CFAP77: variants seen among roughly 807,000 people sequenced by gnomAD.
CFAP77 encodes the protein cilia- and flagella-associated protein 77.
CFAP77 carries 25 observed loss-of-function variants against 31.1 expected under a neutral mutation model. The ratio of observed to expected loss-of-function variants is 0.80; its 90% CI spans 0.59 to 1.12. The LOEUF is 1.12. Among genes scored for constraint, CFAP77 ranks in the 50% most tolerant of loss-of-function variants. CFAP77 has a pLI of 0.00. For synonymous variants in CFAP77, 151 were observed against 159.9 expected (o/e 0.94, Z 0.42); for missense variants, 377 against 397.3 (o/e 0.95, Z 0.44).
At chr9:132,464,002 C>G (rs369224485) in intron 1 of CFAP77, among the ~76,000 whole-genome samples, 2 of 152,176 alleles carry the variant, frequency 1.3e-5, no homozygotes, top group Non-Finnish European at 2.9e-5. Context: ...GCAAAGGGGT[C>G]GGATGGGAAT....
chr9:132,462,427 G>A (rs1851067417), intron 1 of CFAP77, among the ~76,000 whole-genome samples: 1 of 152,148 alleles, frequency 6.6e-6, no homozygotes, highest in Non-Finnish European at 1.5e-5. Context: ...TTTTTAAAAT[G>A]GCTGTGACTC....
At chr9:132,463,678 G>A (rs1851100690) in intron 1 of CFAP77, among the ~76,000 whole-genome samples, 2 of 152,348 alleles carry the variant, frequency 1.3e-5, no homozygotes, top group Middle Eastern at 3.4e-3. Context: ...GGGACCAGCA[G>A]AGATGGTGGA....
intron 1 of CFAP77, among the ~76,000 whole-genome samples, chr9:132,454,901 C>T (rs966479595): frequency 6.6e-6 from 1 of 152,146 alleles, no homozygotes; most frequent in African/African-American, 2.4e-5. Context: ...CCCACCCAAA[C>T]CACACACTGA....
In CFAP77 at chr9:132,486,091, T is replaced by TA. The variant is rs1491144658; in HGVS notation, c.196-12604_196-12603insA. Among the ~76,000 whole-genome samples the TA allele has an allele frequency of 6.6e-3, 102 of 15,530 alleles. 7 individuals carry two copies. The highest frequency in any genetic ancestry group is 0.014 in the African/African-American group (44 of 3,220). The allele number at this position is 15,530 out of a possible 152,430, so 10.2% of individuals were successfully genotyped here. A position where few individuals can be genotyped will look rare whatever the true frequency, so the allele number is the denominator to read the frequency against. ...GTATATATATATATATATATATATA[T>TA]TTTTTTTTTTTTTTTTTTTGAGACG... is the stretch of plus-strand genomic sequence containing the variant. On this transcript the variant is annotated intron_variant, in intron 1 of 5. Transcript: ENST00000393216.
At chr9:132,443,110 T>C (rs903259813) in intron 1 of CFAP77, among the ~76,000 whole-genome samples, 3 of 152,188 alleles carry the variant, frequency 2.0e-5, no homozygotes, top group African/African-American at 7.2e-5. Context: ...TTAAGGTTCA[T>C]CCATGTCGCA....
At chr9:132,496,094 GGAAAA>G (rs1187795055) in intron 1 of CFAP77, among the ~76,000 whole-genome samples, 2 of 151,986 alleles carry the variant, frequency 1.3e-5, no homozygotes, top group Non-Finnish European at 2.9e-5. Flanking sequence ...CTGAGGCCTG[GGAAAA>G]GAAGAGTGAG....
At chr9:132,570,865 T>C (rs1829949497) in intron 5 of CFAP77, among the ~76,000 whole-genome samples, 1 of 152,044 alleles carries the variant, frequency 6.6e-6, no homozygotes, top group Admixed American at 6.5e-5. Flanking sequence ...AGTCCAGAGG[T>C]TGGGGGTCAC....
chr9:132,458,358 G>GT (rs60393862), intron 1 of CFAP77, among the ~76,000 whole-genome samples: 3 of 75,338 alleles, frequency 4.0e-5, no homozygotes, highest in African/African-American at 1.3e-4. Context: ...AGGGGGGGGG[G>GT]TGTGTATGGA....
chr9:132,411,922 T>C (rs1328070859), intron 1 of CFAP77, among the ~76,000 whole-genome samples: 1 of 152,138 alleles, frequency 6.6e-6, no homozygotes, highest in Admixed American at 6.5e-5. Context: ...TATGCACCCA[T>C]ATAACATACC....
At chr9:132,494,203 C>T (rs1034975778) in intron 1 of CFAP77, among the ~76,000 whole-genome samples, 3 of 152,194 alleles carry the variant, frequency 2.0e-5, no homozygotes, top group African/African-American at 7.2e-5. Context: ...TGAGCCACCA[C>T]ACCTGGCTCA....
chr9:132,453,157 T>C (rs1850855428), intron 1 of CFAP77, among the ~76,000 whole-genome samples: 1 of 152,160 alleles, frequency 6.6e-6, no homozygotes, highest in South Asian at 2.1e-4. Flanking sequence ...GAATCTCCAT[T>C]TCCTCTTCTG....
intron 1 of CFAP77, among the ~76,000 whole-genome samples, chr9:132,439,083 C>A (rs1448080280): frequency 6.6e-6 from 1 of 152,016 alleles, no homozygotes; most frequent in Non-Finnish European, 1.5e-5. Flanking sequence ...ACCATGTTGG[C>A]CAAGCTGGTC....
rs1852016276 is a variant in CFAP77, at chr9:132,510,464, C to G, written c.524+10864C>G. Among the ~76,000 whole-genome samples the G allele has an allele frequency of 2.6e-5, 4 of 152,338 alleles. No individual in the cohort carries two copies. The East Asian group carries it at 5.8e-4, about 22-fold the overall frequency. ...GAGGTTGGTTTAGCTCTTTCCGGGA[C>G]ACGGAGGAGATGGTGCTGCTGTGAG... On this transcript the variant is annotated intron_variant, in intron 3 of 5. Transcript: ENST00000393216.
intron 1 of CFAP77, among the ~76,000 whole-genome samples, chr9:132,486,044 A>ATGTG (rs1564223125): frequency 3.0e-5 from 1 of 33,204 alleles, no homozygotes; most frequent in African/African-American, 2.9e-4. Flanking sequence ...ATATATATGT[A>ATGTG]TGTATATGTA....
intron 1 of CFAP77, among the ~76,000 whole-genome samples, chr9:132,450,796 G>C (rs1850812201): frequency 6.6e-6 from 1 of 152,240 alleles, no homozygotes; most frequent in African/African-American, 2.4e-5. Flanking sequence ...AGAGAGCCCG[G>C]ATTGGAGCGG....
intron 3 of CFAP77, among the ~76,000 whole-genome samples, chr9:132,530,734 G>A (rs1479293803): frequency 6.6e-6 from 1 of 152,132 alleles, no homozygotes; most frequent in Non-Finnish European, 1.5e-5. Flanking sequence ...TCCATCCTCT[G>A]AACCGGATCT....
intron 3 of CFAP77, among the ~76,000 whole-genome samples, chr9:132,533,242 C>T (rs978709990): frequency 2.6e-5 from 4 of 152,332 alleles, no homozygotes; most frequent in African/African-American, 9.6e-5. Flanking sequence ...CTTCATGTTC[C>T]GGTCACTGGC....
intron 3 of CFAP77, among the ~76,000 whole-genome samples, chr9:132,506,758 C>T (rs562507516): frequency 3.9e-5 from 6 of 152,292 alleles, no homozygotes; most frequent in African/African-American, 1.2e-4. Context: ...CTGAATAGCT[C>T]AGTGAGTACA....
intron 1 of CFAP77, among the ~76,000 whole-genome samples, chr9:132,466,783 G>A (rs1188846563): frequency 6.6e-6 from 1 of 152,166 alleles, no homozygotes; most frequent in Non-Finnish European, 1.5e-5. Flanking sequence ...ATGACCTCTG[G>A]GCTCCTCCAC....
Sources: allele counts gnomAD v4.1 joint callset (sites outside exome capture counted in the v4.1 genomes callset), GRCh38; gene constraint gnomAD v4.1.1; transcripts MANE v1.5; gene names NCBI Gene and HGNC (gene_info 2026-07-23, HGNC 2026-07-21).